Variants in DUSP16 observed in about 807,000 individuals in gnomAD.
DUSP16 encodes dual specificity protein phosphatase 16.
In DUSP16, 21 loss-of-function variants were observed where a neutral mutation model predicts 58.3. The observed-to-expected ratio is 0.36, with a 90% confidence interval of 0.26 to 0.52. The LOEUF (loss-of-function observed/expected upper bound fraction) is 0.52, where lower values mean the gene tolerates loss of function less well. DUSP16 is among the 20% of genes least tolerant of loss of function. The pLI is 0.94. For synonymous variants in DUSP16, 320 were observed against 323.8 expected, an observed-to-expected ratio of 0.99 and a Z score of 0.12; for missense variants, 726 against 819.0, an observed-to-expected ratio of 0.89 and a Z score of 1.39.
At chr12:12,551,108 G>A (rs1405287529) in intron 1 of DUSP16, among the ~76,000 whole-genome samples, 1 of 150,836 alleles carries the variant, frequency 6.6e-6, no homozygotes, top group Non-Finnish European at 1.5e-5. Context: ...CACCATTTTT[G>A]CTTTTTTGAC....
In DUSP16 at chr12:12,474,059, A is replaced by G. The variant is rs969566756; in HGVS notation, c.*2774T>C. The stretch of plus-strand genomic sequence containing the variant: ...GCTAATCATCCGGTGTTCCATGTGA[A>G]TGACAGAACACGGAATAAACCTGAT... On this transcript the variant is annotated 3_prime_UTR_variant, in exon 7 of 7. Coordinates refer to ENST00000298573, the MANE Select transcript of DUSP16 (RefSeq NM_030640.3). Among the ~76,000 whole-genome samples the G allele has an allele frequency of 6.6e-6, 1 of 152,232 alleles. No homozygotes were observed. Among genetic ancestry groups the G allele is most frequent in the African/African-American group, 2.4e-5 (1 of 41,462 alleles).
At chr12:12,480,763 C>T (rs1248963836) in intron 5 of DUSP16, among the ~76,000 whole-genome samples, 6 of 152,146 alleles carry the variant, frequency 3.9e-5, no homozygotes, top group South Asian at 4.1e-4. Context: ...CTTGCTCTGT[C>T]GCCCAGGCTG....
At chr12:12,505,067 A>G (rs1943972630) in intron 3 of DUSP16, among the ~76,000 whole-genome samples, 1 of 152,226 alleles carries the variant, frequency 6.6e-6, no homozygotes, top group Non-Finnish European at 1.5e-5. Context: ...TAAGCACTCT[A>G]TAGGTATTTA....
chr12:12,501,285 C>T (rs991615522), intron 3 of DUSP16, among the ~76,000 whole-genome samples: 10 of 152,198 alleles, frequency 6.6e-5, no homozygotes, highest in Admixed American at 5.9e-4. Context: ...GTCTGGAGAG[C>T]TCCCGTTCAT....
At position 12,476,597 on chromosome 12, in the gene DUSP16, CTAG is replaced by C; in HGVS notation, c.*233_*235del. On this transcript the variant is annotated 3_prime_UTR_variant, in exon 7 of 7. Coordinates refer to ENST00000298573, the MANE Select transcript of DUSP16 (RefSeq NM_030640.3). ...ACTGAATAAAATGGTTTTCCTCCGT[CTAG>C]GGGGGATTCTAGCATCTGCCCTTCC... The C allele has an allele frequency of 2.2e-6, 1 of 464,262 alleles. No homozygotes were observed. The highest frequency in any genetic ancestry group is 3.7e-5 in the East Asian group (1 of 27,272). 28.8% of individuals were successfully genotyped at this position (464,262 alleles called of 1,614,324 possible).
At chr12:12,549,063 T>G (rs1944690169) in intron 1 of DUSP16, among the ~76,000 whole-genome samples, 1 of 152,156 alleles carries the variant, frequency 6.6e-6, no homozygotes, top group South Asian at 2.1e-4. Context: ...TCTATTAAAA[T>G]AAAAATACAA....
chr12:12,508,714 A>G (rs992856282), intron 3 of DUSP16, among the ~76,000 whole-genome samples: 1 of 152,230 alleles, frequency 6.6e-6, no homozygotes, highest in Admixed American at 6.5e-5. Flanking sequence ...TGACACCTCC[A>G]AAAGAGCTTG....
intron 1 of DUSP16, among the ~76,000 whole-genome samples, chr12:12,525,595 G>A (rs935450008): frequency 6.6e-6 from 1 of 151,974 alleles, no homozygotes; most frequent in Non-Finnish European, 1.5e-5. Flanking sequence ...AACTCCAGCT[G>A]GGCATAGTAG....
chr12:12,519,824 A>C, intron 3 of DUSP16, 38 bp downstream of exon 3: 2 of 1,611,830 alleles, frequency 1.2e-6, no homozygotes, highest in Non-Finnish European at 1.7e-6. Context: ...ACAGCTCAGC[A>C]AGATTCTGAG....
chr12:12,557,607 A>G (rs1311726632), intron 1 of DUSP16, among the ~76,000 whole-genome samples: 1 of 152,176 alleles, frequency 6.6e-6, no homozygotes, highest in African/African-American at 2.4e-5. Flanking sequence ...ATGAATATTA[A>G]AAAGTTATAA....
At chr12:12,528,027 T>C (rs1025414262) in intron 1 of DUSP16, among the ~76,000 whole-genome samples, 1 of 152,256 alleles carries the variant, frequency 6.6e-6, no homozygotes, top group Non-Finnish European at 1.5e-5. Context: ...CCAAAGTTTC[T>C]GTTCAGGGCA....
intron 4 of DUSP16, 112 bp from the exon 5 acceptor site, chr12:12,487,299 A>G: frequency 8.0e-7 from 1 of 1,245,260 alleles, no homozygotes; most frequent in Non-Finnish European, 1.1e-6. Context: ...CTTGAAATAT[A>G]ATTCATTCAG....
chr12:12,511,356 A>C (rs1010784864), intron 3 of DUSP16, among the ~76,000 whole-genome samples: 2 of 152,212 alleles, frequency 1.3e-5, no homozygotes, highest in African/African-American at 4.8e-5. Context: ...ATCACCTTAA[A>C]GTACAAATTC....
chr12:12,483,349 A>G (rs1268352675), intron 5 of DUSP16, among the ~76,000 whole-genome samples: 1 of 152,146 alleles, frequency 6.6e-6, no homozygotes, highest in Non-Finnish European at 1.5e-5. Context: ...TGTTCAATGG[A>G]CATTATCTAT....
intron 5 of DUSP16, among the ~76,000 whole-genome samples, chr12:12,484,821 G>A (rs2136194608): frequency 6.6e-6 from 1 of 151,912 alleles, no homozygotes; most frequent in East Asian, 1.9e-4. Flanking sequence ...GTGTTGGCCA[G>A]GCTATCGCAA....
In DUSP16 at chr12:12,474,874, A is replaced by C. The variant is rs1943393378; in HGVS notation, c.*1959T>G. ...CAAAAACTACTGTGTGAAACTTGAG[A>C]ATGTCTGATTAAAGATTTCAATGTA... On this transcript the variant is annotated 3_prime_UTR_variant, in exon 7 of 7. Coordinates refer to ENST00000298573, the MANE Select transcript of DUSP16 (RefSeq NM_030640.3). 6.6e-6 allele frequency: 1 copy of C among 152,220 alleles called. No homozygotes were observed. Among genetic ancestry groups the C allele is most frequent in the South Asian group, 2.1e-4 (1 of 4,826 alleles). The allele number at this position is 152,220 out of a possible 1,614,324, so 9.4% of individuals were successfully genotyped here.
intron 3 of DUSP16, among the ~76,000 whole-genome samples, chr12:12,516,866 C>A (rs184452932): frequency 1.7e-4 from 26 of 152,242 alleles, no homozygotes; most frequent in South Asian, 8.3e-4. Flanking sequence ...CTAGGCCTTG[C>A]GGGAACACAA....
At chr12:12,543,861 T>C (rs542426375) in intron 1 of DUSP16, among the ~76,000 whole-genome samples, 4 of 152,096 alleles carry the variant, frequency 2.6e-5, no homozygotes, top group East Asian at 1.9e-4. Flanking sequence ...GTTATTTGTA[T>C]TTGTAATACA....
intron 3 of DUSP16, among the ~76,000 whole-genome samples, chr12:12,517,441 T>G (rs1251365781): frequency 6.6e-6 from 1 of 152,198 alleles, no homozygotes; most frequent in Admixed American, 6.5e-5. Context: ...TTTAAGAAAC[T>G]TTTGTCAATA....
Sources: allele counts gnomAD v4.1 joint callset (sites outside exome capture counted in the v4.1 genomes callset), GRCh38; gene constraint gnomAD v4.1.1; transcripts MANE v1.5; gene names NCBI Gene and HGNC (gene_info 2026-07-23, HGNC 2026-07-21).